MAP4: variants seen among roughly 807,000 people sequenced by gnomAD.
MAP4 encodes the protein microtubule associated protein 4.
In MAP4, 76 loss-of-function variants were observed where a neutral mutation model predicts 170.2. The observed-to-expected ratio is 0.45, with a 90% CI of 0.37 to 0.54. The LOEUF (loss-of-function observed/expected upper bound fraction) is 0.54, where lower values mean the gene tolerates loss of function less well. MAP4 is among the 20% of genes least tolerant of loss of function. The probability of loss-of-function intolerance (pLI) is 0.00; values close to 1 mark genes in which losing one functional copy is unlikely to be tolerated. For missense variants in MAP4, 2,506 were observed against 2,748.0 expected, an observed-to-expected ratio of 0.91 and a Z score of 1.97; for synonymous variants, 909 against 994.5, an observed-to-expected ratio of 0.91 and a Z score of 1.62.
chr3:48,037,870 A>T (rs1204252500), intron 1 of MAP4, among the ~76,000 whole-genome samples: 1 of 151,950 alleles, frequency 6.6e-6, no homozygotes, highest in Non-Finnish European at 1.5e-5. Flanking sequence ...TGTGAGCTCA[A>T]GAGTGAGGAT....
chr3:48,079,593 T>C (rs2100145590), intron 1 of MAP4, among the ~76,000 whole-genome samples: 1 of 147,556 alleles, frequency 6.8e-6, no homozygotes, highest in Non-Finnish European at 1.5e-5. Flanking sequence ...AGGCAGAGGT[T>C]GCAGTGAGCC....
intron 3 of MAP4, among the ~76,000 whole-genome samples, chr3:47,950,447 C>G (rs1255291654): frequency 6.6e-6 from 1 of 152,130 alleles, no homozygotes; most frequent in Non-Finnish European, 1.5e-5. Flanking sequence ...TAATCCAGGA[C>G]ATGCAAGATC....
intron 3 of MAP4, among the ~76,000 whole-genome samples, chr3:47,953,802 C>T (rs1269105291): frequency 1.3e-5 from 2 of 151,966 alleles, no homozygotes; most frequent in East Asian, 1.9e-4. Flanking sequence ...TCACTTGAGG[C>T]CAGGAGTTCA....
intron 3 of MAP4, among the ~76,000 whole-genome samples, chr3:47,942,293 A>G (rs1285466578): frequency 6.6e-6 from 1 of 152,218 alleles, no homozygotes; most frequent in Admixed American, 6.6e-5. Context: ...TAATGCTGGC[A>G]AAGGTGCTTC....
chr3:47,982,657 C>T (rs2100086064), intron 2 of MAP4, among the ~76,000 whole-genome samples: 1 of 151,990 alleles, frequency 6.6e-6, no homozygotes, highest in African/African-American at 2.4e-5. Flanking sequence ...AAAGTTAAGA[C>T]CACTACTTTA....
At chr3:47,902,693 A>AG in intron 10 of MAP4, among the ~76,000 whole-genome samples, 1 of 150,534 alleles carries the variant, frequency 6.6e-6, no homozygotes, top group Non-Finnish European at 1.5e-5. Context: ...AAAAAAAAAA[A>AG]AAAAAAAGAA....
chr3:47,866,507 G>A (rs889024358), intron 17 of MAP4, among the ~76,000 whole-genome samples: 5 of 151,938 alleles, frequency 3.3e-5, no homozygotes, highest in African/African-American at 1.2e-4. Context: ...TGTAATCCCA[G>A]CACTTTGGCA....
chr3:47,942,929 G>C (rs1053617834), intron 3 of MAP4, among the ~76,000 whole-genome samples: 5 of 152,056 alleles, frequency 3.3e-5, no homozygotes, highest in African/African-American at 1.2e-4. Flanking sequence ...GGGCAATGTA[G>C]CAAGACCCCA....
At chr3:48,052,310 G>T (rs569357891) in intron 1 of MAP4, among the ~76,000 whole-genome samples, 1 of 152,212 alleles carries the variant, frequency 6.6e-6, no homozygotes, top group East Asian at 1.9e-4. Context: ...CAACCTCCAC[G>T]TCCTGGTTCA....
chr3:47,919,744 G>T (rs767211615), intron 5 of MAP4, among the ~76,000 whole-genome samples: 1 of 151,900 alleles, frequency 6.6e-6, no homozygotes, highest in Non-Finnish European at 1.5e-5. Flanking sequence ...ATATATAAAG[G>T]GTAATATAAA....
Position 47,910,551 on chromosome 3 carries a change from A to G in MAP4, c.3870T>C (p.Asn1290=). The G allele has an allele frequency of 2.0e-6, 3 of 1,535,988 alleles. 1 individual carries two copies. The highest frequency in any genetic ancestry group is 2.4e-5 in the South Asian group (2 of 84,044). The change falls in exon 9 of 21, where the codon AAT becomes AAC. Residue 1290 remains asparagine, a synonymous_variant. Coordinates refer to ENST00000683076, the MANE Select transcript of MAP4 (RefSeq NM_001385682.1). The stretch of plus-strand genomic sequence containing the variant: ...CAAGCTCAACAAAATTAACCTGAAA[A>G]TTTCCACCCTTCCTGTCAACTGCTT... ...TVEAVDRKGG[N]FQVNFVELGT...
intron 4 of MAP4, 151 bp from the exon 5 acceptor site, chr3:47,922,029 C>A: frequency 1.8e-6 from 1 of 541,254 alleles, no homozygotes; most frequent in East Asian, 2.9e-5. Context: ...TTCACTGCAA[C>A]CTCTACCTCC....
chr3:48,053,851 A>G (rs1385294936), intron 1 of MAP4, among the ~76,000 whole-genome samples: 1 of 152,226 alleles, frequency 6.6e-6, no homozygotes, highest in African/African-American at 2.4e-5. Flanking sequence ...TGAGTAGTAT[A>G]TATAGTTCTT....
chr3:48,071,764 T>C (rs2100141139), intron 1 of MAP4, among the ~76,000 whole-genome samples: 1 of 147,644 alleles, frequency 6.8e-6, no homozygotes, highest in Admixed American at 6.8e-5. Context: ...ATTAGCAGGG[T>C]GTGGTGGTGC....
intron 6 of MAP4, 105 bp downstream of exon 6, chr3:47,918,614 A>C: frequency 1.2e-6 from 1 of 846,558 alleles, no homozygotes; most frequent in Non-Finnish European, 1.9e-6. Flanking sequence ...GATTGTTCTG[A>C]AATTTTTATA....
intron 1 of MAP4, among the ~76,000 whole-genome samples, chr3:48,072,507 AT>A (rs1370455800): frequency 2.0e-5 from 3 of 152,204 alleles, no homozygotes; most frequent in African/African-American, 7.2e-5. Context: ...TCCCAAAAAA[AT>A]AAATTATAAA....
At position 47,998,684 on chromosome 3, in the gene MAP4, G is replaced by C. The variant is rs145549185; in HGVS notation, c.177C>G (p.Asn59Lys). 8.1e-5 allele frequency: 131 copies of C among 1,614,130 alleles called. No homozygotes were observed. In the African/African-American group the frequency reaches 1.1e-3, roughly 14 times the overall value. ...PLLDVDEKTG[N>K]SESKKKPCSE... is the part of the protein sequence containing the mutation. ...AGCACGGTTTCTTCTTTGACTCTGA[G>C]TTCCCGGTTTTCTCATCAACATCCA... Residue 59 changes from asparagine (N) to lysine (K), a missense_variant, in exon 2 of 21, where the codon AAC becomes AAG. Physicochemically the swap from Asn to Lys is moderately conservative, Grantham distance 94 (BLOSUM62 0). Around this residue, in one of 3 missense-constraint regions of MAP4, gnomAD observed 2,008 missense variants for 2,206.0 expected, o/e 0.91. Transcript: ENST00000683076.
intron 3 of MAP4, chr3:47,973,691 T>C (rs1357828908): frequency 4.1e-6 from 4 of 985,220 alleles, no homozygotes; most frequent in Non-Finnish European, 4.8e-6. Context: ...TCTCCACCCA[T>C]AACTTAGACA....
chr3:47,879,240 GA>G (rs373945928), intron 10 of MAP4, among the ~76,000 whole-genome samples: 6,777 of 145,018 alleles, frequency 0.047, 504 homozygotes, highest in African/African-American at 0.16. Flanking sequence ...TCTATTAAGT[GA>G]AAAAAAAAAC....
Sources: gnomAD v4.1 joint callset for allele counts (sites outside exome capture counted in the v4.1 genomes callset) on GRCh38, gnomAD v4.1.1 for gene constraint, gnomAD v4.1.1 regional missense constraint, MANE v1.5 for transcripts, NCBI Gene and HGNC (gene_info 2026-07-23, HGNC 2026-07-21) for gene names.